Variants in GSN observed in about 807,000 individuals in gnomAD.
The protein encoded by GSN is actin-depolymerizing factor.
In GSN, 56 loss-of-function variants were observed where a neutral mutation model predicts 85.7. That is an observed-to-expected ratio of 0.65 (90% CI 0.53 to 0.82). The LOEUF is 0.82. Among genes scored for constraint, GSN ranks in the 40% least tolerant of loss-of-function variants. The pLI is 0.00. For missense variants in GSN, 857 were observed against 979.8 expected (o/e 0.87, Z 1.67); for synonymous variants, 373 against 399.1 (o/e 0.93, Z 0.78).
upstream of GSN, among the ~76,000 whole-genome samples, chr9:121,264,491 G>A (rs190679325): frequency 4.6e-5 from 7 of 152,248 alleles, no homozygotes; most frequent in African/African-American, 1.2e-4. Context: ...CAATCAGTTC[G>A]TAAGAAAACA....
chr9:121,327,496 T>TG lies in GSN; in HGVS notation c.1762+20dup. 1.9e-6 allele frequency: 3 copies of TG among 1,550,390 alleles called. No individual in the cohort carries two copies. Among genetic ancestry groups the TG allele is most frequent in the Non-Finnish European group, 8.7e-7 (1 of 1,146,128 alleles). On this transcript the variant is annotated intron_variant, in intron 14 of 17. Coordinates refer to ENST00000432226, the MANE Select transcript of GSN (RefSeq NM_198252.3). ...GCAGCGAGCCAGGTAGGAGCCGGGG[T>TG]GGGGGGCCTGCTGCTGTCCGGATGC...
chr9:121,251,187 C>CTTTTTTTTT (rs58231680), intron 6 of GSN, among the ~76,000 whole-genome samples: 31,228 of 71,302 alleles, frequency 0.44, 10,689 homozygotes, highest in South Asian at 0.7. Context: ...CTGATGTGTT[C>CTTTTTTTTT]TTTTTTTTTT....
At chr9:121,281,799 C>T (rs777390634) in intron 2 of GSN, 5 of 470,974 alleles carry the variant, frequency 1.1e-5, no homozygotes, top group Non-Finnish European at 2.2e-5. Context: ...GGCTCGGTGC[C>T]CGGATGCCTG....
intron 1 of GSN, among the ~76,000 whole-genome samples, chr9:121,272,203 C>T (rs997435113): frequency 6.6e-6 from 1 of 152,222 alleles, no homozygotes; most frequent in Non-Finnish European, 1.5e-5. Flanking sequence ...TTCCCCTTCC[C>T]TCTGTCCCTC....
intron 11 of GSN, among the ~76,000 whole-genome samples, chr9:121,323,336 G>T (rs1196202877): frequency 2.0e-5 from 3 of 148,244 alleles, no homozygotes; most frequent in African/African-American, 7.5e-5. Context: ...CTAATCTATA[G>T]GCTTTACCTA....
In GSN at chr9:121,314,032, C is replaced by A; in HGVS notation, c.753+9C>A. ...TGGCCAAGCTCTACAAGGTGAGCAC[C>A]AGATGCACTGTCTGCCTGGGCATGG... On this transcript the variant is annotated intron_variant, in intron 7 of 17. Transcript: ENST00000432226. 6.2e-7 allele frequency: 1 copy of A among 1,602,266 alleles called. No individual in the cohort carries two copies. Among genetic ancestry groups the A allele is most frequent in the South Asian group, 1.1e-5 (1 of 90,892 alleles).
intron 2 of GSN, among the ~76,000 whole-genome samples, chr9:121,295,524 C>T (rs922550556): frequency 2.6e-5 from 4 of 152,108 alleles, no homozygotes; most frequent in African/African-American, 9.7e-5. Flanking sequence ...TGGTGTCTTC[C>T]AGGCCCAGCC....
intron 17 of GSN, 25 bp downstream of exon 17, chr9:121,331,473 G>C (rs187735228): frequency 1.5e-5 from 21 of 1,425,322 alleles, no homozygotes; most frequent in Admixed American, 7.2e-5. Flanking sequence ...GCCTGGGGGC[G>C]GGGGGAGGGG....
chr9:121,217,492 C>T (rs2054087130), intron 4 of GSN, among the ~76,000 whole-genome samples: 1 of 152,000 alleles, frequency 6.6e-6, no homozygotes. Context: ...AAGCCTAGTA[C>T]CCATTAGTTC....
chr9:121,292,038 T>C (rs2058742859), intron 2 of GSN, among the ~76,000 whole-genome samples: 1 of 152,168 alleles, frequency 6.6e-6, no homozygotes, highest in African/African-American at 2.4e-5. Context: ...CTAGAACTAC[T>C]GGTGCATGTC....
At chr9:121,240,162 TTAAG>T (rs1430466127) in intron 5 of GSN, 1 of 152,288 alleles carries the variant, frequency 6.6e-6, no homozygotes, top group Non-Finnish European at 1.5e-5. Flanking sequence ...ATTCCCCTTT[TTAAG>T]TGACATCAGT....
Position 121,219,089 on chromosome 9 carries a change from G to C in GSN, c.-528+8222G>C, listed in dbSNP as rs142290415. Among the ~76,000 whole-genome samples, 1,399 of 152,188 alleles carry C rather than the reference G, an allele frequency of 9.2e-3. 12 individuals are homozygous for C. The highest frequency in any genetic ancestry group is 0.015 in the Non-Finnish European group (1,044 of 68,002). On this transcript the variant is annotated intron_variant, in intron 4 of 24. Transcript: ENST00000373823. The stretch of plus-strand genomic sequence containing the variant: ...CTTCCTTGATGTTTCTCAGAGTCCT[G>C]AGGATGCTTCCTTGATGGACAGATC...
At chr9:121,324,477 G>A (rs565793082) in intron 11 of GSN, 77 bp from the exon 12 acceptor site, 124 of 757,030 alleles carry the variant, frequency 1.6e-4, no homozygotes, top group African/African-American at 1.6e-3. Flanking sequence ...AGATGTGTAG[G>A]TTTCTCAGAC....
At chr9:121,223,187 A>G (rs1260158264) in intron 4 of GSN, among the ~76,000 whole-genome samples, 1 of 152,044 alleles carries the variant, frequency 6.6e-6, no homozygotes, top group East Asian at 1.9e-4. Context: ...GAAGCTACTA[A>G]TCACCGGTTT....
Position 121,302,047 on chromosome 9 carries a change from G to T in GSN, c.76G>T (p.Asp26Tyr), listed in dbSNP as rs752677417. 3.1e-6 allele frequency: 5 copies of T among 1,614,116 alleles called. No individual in the cohort carries two copies. Among genetic ancestry groups the T allele is most frequent in the Admixed American group, 1.7e-5 (1 of 60,008 alleles). Residue 26 changes from aspartate (D) to tyrosine (Y), a missense_variant, in exon 3 of 18, where the codon GAT (aspartate) becomes TAT (tyrosine). By Grantham distance (160) the Asp-to-Tyr change is radical. Coordinates refer to ENST00000432226, the MANE Select transcript of GSN (RefSeq NM_198252.3). ...GLQIWRVEKF[D>Y]LVPVPTNLYG... ...GCAGATCTGGCGTGTGGAGAAGTTC[G>T]ATCTGGTGCCCGTGCCCACCAACCT...
chr9:121,300,226 C>A, intron 2 of GSN: 1 of 808,056 alleles, frequency 1.2e-6, no homozygotes, highest in Admixed American at 1.8e-5. Context: ...CTCACCTTGG[C>A]CGGATTTCTT....
At chr9:121,295,748 A>T (rs1317552759) in intron 2 of GSN, among the ~76,000 whole-genome samples, 1 of 152,230 alleles carries the variant, frequency 6.6e-6, no homozygotes, top group Non-Finnish European at 1.5e-5. Context: ...ATCCTGTGGC[A>T]GACACAGAGA....
intron 5 of GSN, among the ~76,000 whole-genome samples, chr9:121,231,488 C>T (rs2054386079): frequency 6.6e-6 from 1 of 152,160 alleles, no homozygotes. Context: ...ACTGAAGAAA[C>T]TGACCAGAAA....
At chr9:121,271,924 C>G (rs1166783996) in intron 1 of GSN, among the ~76,000 whole-genome samples, 1 of 152,226 alleles carries the variant, frequency 6.6e-6, no homozygotes, top group East Asian at 1.9e-4. Context: ...CTCTGGAAAT[C>G]TATCTGGCGA....
Sources: allele counts gnomAD v4.1 joint callset (sites outside exome capture counted in the v4.1 genomes callset), GRCh38; gene constraint gnomAD v4.1.1; transcripts MANE v1.5; gene names NCBI Gene and HGNC (gene_info 2026-07-23, HGNC 2026-07-21).